NEGR1: variants seen among roughly 807,000 people sequenced by gnomAD.
The protein encoded by NEGR1 is neuronal growth regulator 1.
NEGR1 carries 10 observed loss-of-function variants against 40.9 expected under a neutral mutation model. That is an observed-to-expected ratio of 0.24 (90% CI 0.15 to 0.42). NEGR1 has a LOEUF of 0.42. Ranked by LOEUF, NEGR1 falls within the 10% of genes least tolerant of loss-of-function variation. The pLI, the probability that NEGR1 is intolerant of heterozygous loss-of-function variation, is 1.00. For synonymous variants in NEGR1, 185 were observed against 166.8 expected, an observed-to-expected ratio of 1.11 and a Z score of -0.84; for missense variants, 352 against 438.9, an observed-to-expected ratio of 0.80 and a Z score of 1.77.
intron 1 of NEGR1, among the ~76,000 whole-genome samples, chr1:72,113,121 G>A (rs943910995): frequency 6.6e-6 from 1 of 151,668 alleles, no homozygotes; most frequent in Non-Finnish European, 1.5e-5. Context: ...ACACATAGAA[G>A]CACAGTGAGC....
intron 5 of NEGR1, among the ~76,000 whole-genome samples, chr1:71,599,025 T>C (rs541634702): frequency 6.6e-6 from 1 of 152,284 alleles, no homozygotes; most frequent in South Asian, 2.1e-4. Flanking sequence ...AGGTATAGAG[T>C]AATTGTTGCA....
At position 71,732,404 on chromosome 1, in the gene NEGR1, T is replaced by C. The variant is rs531180576; in HGVS notation, c.536-34265A>G. Among the ~76,000 whole-genome samples the C allele has an allele frequency of 1.8e-3, 269 of 152,280 alleles. 1 individual carries two copies. The highest frequency in any genetic ancestry group is 6.1e-3 in the African/African-American group (252 of 41,570). Reference sequence around the variant, plus strand: ...TTGAAGATATCTTGATTTTCTATCATGGACCCAGTCTCAGCCAATGTGTTC... The same window carrying C: ...TTGAAGATATCTTGATTTTCTATCACGGACCCAGTCTCAGCCAATGTGTTC... On this transcript the variant is annotated intron_variant, in intron 3 of 6. Coordinates refer to ENST00000357731, the MANE Select transcript of NEGR1 (RefSeq NM_173808.3).
intron 1 of NEGR1, among the ~76,000 whole-genome samples, chr1:72,093,874 G>C (rs1648594577): frequency 6.6e-6 from 1 of 152,016 alleles, no homozygotes; most frequent in African/African-American, 2.4e-5. Context: ...AGCACTTCTG[G>C]GAAGATGAAC....
intron 1 of NEGR1, among the ~76,000 whole-genome samples, chr1:72,263,575 T>A (rs1453689107): frequency 6.6e-6 from 1 of 151,676 alleles, no homozygotes; most frequent in South Asian, 2.1e-4. Flanking sequence ...TAGTTAAATA[T>A]ACGCTTAATA....
chr1:71,526,407 A>G (rs1647217836), intron 6 of NEGR1, among the ~76,000 whole-genome samples: 1 of 151,598 alleles, frequency 6.6e-6, no homozygotes, highest in South Asian at 2.1e-4. Flanking sequence ...CACAGTATAC[A>G]CAGTAATAGT....
At chr1:71,631,253 C>A (rs1417100461) in intron 4 of NEGR1, among the ~76,000 whole-genome samples, 1 of 151,540 alleles carries the variant, frequency 6.6e-6, no homozygotes, top group African/African-American at 2.4e-5. Flanking sequence ...ATTATTATTT[C>A]TTTCTTAATT....
intron 6 of NEGR1, among the ~76,000 whole-genome samples, chr1:71,540,947 G>T (rs1647671834): frequency 6.6e-6 from 1 of 151,426 alleles, no homozygotes; most frequent in Non-Finnish European, 1.5e-5. Context: ...GAGAGAGAGT[G>T]AAGGTCGGGG....
At chr1:71,594,306 GT>G (rs560746406) in intron 5 of NEGR1, among the ~76,000 whole-genome samples, 46 of 152,200 alleles carry the variant, frequency 3.0e-4, no homozygotes, top group Non-Finnish European at 5.3e-4. Flanking sequence ...TCTCTTTAAT[GT>G]GTTCAAGTTT....
At chr1:71,597,456 C>G (rs1407919745) in intron 5 of NEGR1, among the ~76,000 whole-genome samples, 3 of 63,218 alleles carry the variant, frequency 4.7e-5, no homozygotes, top group Admixed American at 1.8e-4. Context: ...CTCTCTCTCT[C>G]TCTCTCTCTC....
chr1:72,169,069 A>C (rs1174583904), intron 1 of NEGR1, among the ~76,000 whole-genome samples: 1 of 152,182 alleles, frequency 6.6e-6, no homozygotes, highest in Non-Finnish European at 1.5e-5. Context: ...AGATATAACA[A>C]TTTTTAAATT....
intron 2 of NEGR1, among the ~76,000 whole-genome samples, chr1:71,901,402 C>T (rs567978290): frequency 3.3e-5 from 5 of 151,984 alleles, no homozygotes; most frequent in African/African-American, 1.2e-4. Flanking sequence ...GAATGTAGGC[C>T]CCATGAGAGC....
At chr1:72,252,173 T>TTCAGGCAATTCTCCTGTCTCAGCCTCCCA in intron 1 of NEGR1, among the ~76,000 whole-genome samples, 1 of 151,538 alleles carries the variant, frequency 6.6e-6, no homozygotes, top group African/African-American at 2.4e-5. Flanking sequence ...TGGGGCGATG[T>TTCAGGCAATTCTCCTGTCTCAGCCTCCCA]AGCTGGGATT....
intron 2 of NEGR1, among the ~76,000 whole-genome samples, chr1:71,784,729 G>T (rs1413933635): frequency 6.6e-6 from 1 of 152,102 alleles, no homozygotes; most frequent in African/African-American, 2.4e-5. Flanking sequence ...ATTATGCAAA[G>T]GCATAACAAT....
At chr1:71,575,436 G>A (rs370806308) in intron 6 of NEGR1, among the ~76,000 whole-genome samples, 4 of 152,184 alleles carry the variant, frequency 2.6e-5, no homozygotes, top group Admixed American at 6.5e-5. Flanking sequence ...AGAAAACAAA[G>A]AGGATAGTAA....
intron 1 of NEGR1, among the ~76,000 whole-genome samples, chr1:72,024,428 A>G (rs1410228913): frequency 2.0e-5 from 3 of 152,104 alleles, no homozygotes; most frequent in Non-Finnish European, 4.4e-5. Flanking sequence ...AAAATTCTTC[A>G]TATTAAATTA....
intron 1 of NEGR1, among the ~76,000 whole-genome samples, chr1:72,051,701 T>G (rs530223229): frequency 3.0e-4 from 46 of 151,422 alleles, no homozygotes; most frequent in Admixed American, 2.2e-3. Flanking sequence ...GTTTTGCTGC[T>G]TTGGTGAAGA....
chr1:72,141,561 C>T (rs867531513), intron 1 of NEGR1, among the ~76,000 whole-genome samples: 1 of 151,886 alleles, frequency 6.6e-6, no homozygotes, highest in South Asian at 2.1e-4. Flanking sequence ...TTTATTGGTA[C>T]CTCTTATTAA....
At chr1:71,763,357 C>T (rs976702709) in intron 3 of NEGR1, among the ~76,000 whole-genome samples, 8 of 152,072 alleles carry the variant, frequency 5.3e-5, no homozygotes, top group African/African-American at 1.9e-4. Context: ...GGACAGGGGA[C>T]TCCTTGTGAC....
At chr1:71,790,762 G>C (rs1657087033) in intron 2 of NEGR1, among the ~76,000 whole-genome samples, 1 of 152,096 alleles carries the variant, frequency 6.6e-6, no homozygotes, top group Admixed American at 6.6e-5. Flanking sequence ...CTGAGTGAAT[G>C]CTTGAGTCAA....
Sources: allele counts gnomAD v4.1 joint callset (sites outside exome capture counted in the v4.1 genomes callset), GRCh38; gene constraint gnomAD v4.1.1; transcripts MANE v1.5; gene names NCBI Gene and HGNC (gene_info 2026-07-23, HGNC 2026-07-21).